Variants in GMDS observed in about 807,000 individuals in gnomAD.
GMDS encodes GDP-mannose 4,6 dehydratase.
A neutral mutation model predicts 49.9 loss-of-function variants in GMDS; 20 were observed. The ratio of observed to expected loss-of-function variants is 0.40; its 90% CI spans 0.28 to 0.58. The LOEUF is 0.58. GMDS is among the 20% of genes least tolerant of loss of function. The pLI is 0.42. For synonymous variants in GMDS, 177 were observed against 178.6 expected, an observed-to-expected ratio of 0.99 and a Z score of 0.07; for missense variants, 362 against 481.4, an observed-to-expected ratio of 0.75 and a Z score of 2.32.
At chr6:1,988,915 C>T (rs1424248913) in intron 4 of GMDS, among the ~76,000 whole-genome samples, 1 of 151,756 alleles carries the variant, frequency 6.6e-6, no homozygotes, top group Admixed American at 6.6e-5. Flanking sequence ...GCAAGCTGCA[C>T]TTGTCAAGAG....
intron 9 of GMDS, chr6:1,625,549 G>A (rs565171135): frequency 6.6e-6 from 1 of 152,214 alleles, no homozygotes; most frequent in Non-Finnish European, 1.5e-5. Flanking sequence ...TGGAAGGAAG[G>A]CTGGCTAAAA....
chr6:1,891,484 C>T (rs1479038028), intron 7 of GMDS, among the ~76,000 whole-genome samples: 1 of 152,220 alleles, frequency 6.6e-6, no homozygotes, highest in Non-Finnish European at 1.5e-5. Flanking sequence ...ATTTGGAAAA[C>T]AGGGGCAGTC....
intron 1 of GMDS, among the ~76,000 whole-genome samples, chr6:2,163,568 C>A (rs1777515804): frequency 1.3e-5 from 2 of 152,168 alleles, no homozygotes; most frequent in South Asian, 4.1e-4. Flanking sequence ...TGAAAGCTGA[C>A]AGGTTCAAGA....
chr6:2,104,779 G>C (rs1225737332), intron 4 of GMDS, among the ~76,000 whole-genome samples: 1 of 152,032 alleles, frequency 6.6e-6, no homozygotes, highest in Non-Finnish European at 1.5e-5. Context: ...ACTTATGCTT[G>C]AAAAACAAAA....
intron 7 of GMDS, among the ~76,000 whole-genome samples, chr6:1,829,837 G>A (rs1423018453): frequency 6.6e-6 from 1 of 152,156 alleles, no homozygotes; most frequent in Non-Finnish European, 1.5e-5. Context: ...AGGCATATAT[G>A]GTACATTTTA....
At chr6:1,988,690 T>C (rs9405157) in intron 4 of GMDS, among the ~76,000 whole-genome samples, 35,880 of 152,062 alleles carry the variant, frequency 0.24, 4,368 homozygotes, top group African/African-American at 0.26. Context: ...GGCTTAAGTA[T>C]TGTCAATGTT....
intron 1 of GMDS, among the ~76,000 whole-genome samples, chr6:2,140,740 T>C (rs1200844069): frequency 1.3e-5 from 2 of 152,332 alleles, no homozygotes; most frequent in East Asian, 1.9e-4. Flanking sequence ...TGAACTTTAT[T>C]CAAACAATGC....
chr6:2,161,574 T>G (rs1168562446), intron 1 of GMDS, among the ~76,000 whole-genome samples: 1 of 152,204 alleles, frequency 6.6e-6, no homozygotes, highest in African/African-American at 2.4e-5. Context: ...ACTTGAGGAT[T>G]TGAAAATTCA....
At chr6:2,020,648 C>A (rs1261862088) in intron 4 of GMDS, among the ~76,000 whole-genome samples, 1 of 151,360 alleles carries the variant, frequency 6.6e-6, no homozygotes, top group African/African-American at 2.4e-5. Context: ...CAGAGAGCCC[C>A]TTAATGGCAA....
intron 7 of GMDS, among the ~76,000 whole-genome samples, chr6:1,798,810 C>T (rs186572683): frequency 2.0e-5 from 3 of 152,304 alleles, no homozygotes; most frequent in East Asian, 1.9e-4. Flanking sequence ...GAATACGAGA[C>T]AGCTTTGTTG....
intron 3 of GMDS, among the ~76,000 whole-genome samples, chr6:2,116,327 A>G (rs1173623349): frequency 1.3e-5 from 2 of 152,204 alleles, no homozygotes; most frequent in Non-Finnish European, 2.9e-5. Flanking sequence ...CAAGTACTTT[A>G]TAAACATCAA....
At position 1,840,310 on chromosome 6, in the gene GMDS, C is replaced by G. The variant is rs139098883; in HGVS notation, c.771+89793G>C. Among the ~76,000 whole-genome samples the G allele has an allele frequency of 4.3e-4, 65 of 152,320 alleles. No homozygotes were observed. In the East Asian group the frequency reaches 0.012, roughly 27 times the overall value. ...ACCACCCCTCTCACGCTCTGCCTCT[C>G]CTCACCCCTTCCAGAACATACATCA... On this transcript the variant is annotated intron_variant, in intron 7 of 10. Transcript: ENST00000380815.
At chr6:1,737,975 TACACACACACCACAAACACACC>T (rs1767093056) in intron 8 of GMDS, among the ~76,000 whole-genome samples, 1 of 108,544 alleles carries the variant, frequency 9.2e-6, no homozygotes. Flanking sequence ...TACACACACA[TACACACACACCACAAACACACC>T]ACACACACAG....
At chr6:2,219,146 A>G (rs1180204837) in intron 1 of GMDS, among the ~76,000 whole-genome samples, 1 of 152,212 alleles carries the variant, frequency 6.6e-6, no homozygotes, top group Non-Finnish European at 1.5e-5. Context: ...CTCTGAGAAG[A>G]GGAAATGGGG....
intron 1 of GMDS, among the ~76,000 whole-genome samples, chr6:2,156,323 T>G (rs1777112023): frequency 6.6e-6 from 1 of 152,184 alleles, no homozygotes; most frequent in Non-Finnish European, 1.5e-5. Context: ...TGCAATTATC[T>G]CTACGTCACT....
chr6:2,100,324 C>T (rs911988681), intron 4 of GMDS, among the ~76,000 whole-genome samples: 4 of 151,958 alleles, frequency 2.6e-5, no homozygotes, highest in Admixed American at 6.5e-5. Context: ...TGTGTTAACC[C>T]TATAGTTATC....
At chr6:1,659,089 G>A (rs1327821018) in intron 9 of GMDS, among the ~76,000 whole-genome samples, 2 of 152,144 alleles carry the variant, frequency 1.3e-5, no homozygotes, top group Non-Finnish European at 2.9e-5. Flanking sequence ...TCTGTGGGGC[G>A]TATGCAGTTC....
intron 4 of GMDS, among the ~76,000 whole-genome samples, chr6:2,075,312 G>C (rs748580569): frequency 6.6e-6 from 1 of 151,812 alleles, no homozygotes; most frequent in Admixed American, 6.6e-5. Context: ...GGGTACATGT[G>C]CACAATGTGC....
At chr6:2,125,748 C>A (rs1775394816) in intron 1 of GMDS, among the ~76,000 whole-genome samples, 1 of 152,168 alleles carries the variant, frequency 6.6e-6, no homozygotes, top group South Asian at 2.1e-4. Flanking sequence ...CTTTGGAGGG[C>A]TGGCCTTTCC....
Sources: gnomAD v4.1 joint callset for allele counts (sites outside exome capture counted in the v4.1 genomes callset) on GRCh38, gnomAD v4.1.1 for gene constraint, MANE v1.5 for transcripts, NCBI Gene and HGNC (gene_info 2026-07-23, HGNC 2026-07-21) for gene names.